The following CACNA1E variants were observed in gnomAD, a reference collection of about 807,000 sequenced individuals.
CACNA1E encodes voltage-dependent R-type calcium channel subunit alpha-1E.
A neutral mutation model predicts 259.2 loss-of-function variants in CACNA1E; 40 were observed. That is an observed-to-expected ratio of 0.15 (90% CI 0.12 to 0.20). CACNA1E has a LOEUF of 0.20. CACNA1E is among the 10% of genes least tolerant of loss of function. The pLI, the probability that CACNA1E is intolerant of heterozygous loss-of-function variation, is 1.00. For missense variants in CACNA1E, 1,874 were observed against 3,040.1 expected (o/e 0.62, Z 9.02); for synonymous variants, 1,104 against 1,138.5 (o/e 0.97, Z 0.61).
intron 19 of CACNA1E, among the ~76,000 whole-genome samples, chr1:181,731,909 T>C (rs1655518148): frequency 6.6e-6 from 1 of 152,038 alleles, no homozygotes. Flanking sequence ...TTCAATGGTA[T>C]CTGACCATTT....
intron 3 of CACNA1E, among the ~76,000 whole-genome samples, chr1:181,563,795 C>G (rs1019322024): frequency 6.6e-6 from 1 of 152,170 alleles, no homozygotes; most frequent in Non-Finnish European, 1.5e-5. Flanking sequence ...AAGGATACCT[C>G]AGAGAATGGT....
chr1:181,398,905 A>G (rs906456010), intron 1 of CACNA1E, among the ~76,000 whole-genome samples: 1 of 152,204 alleles, frequency 6.6e-6, no homozygotes, highest in African/African-American at 2.4e-5. Context: ...GCAAAAGGCA[A>G]TGGAGATCCA....
intron 1 of CACNA1E, among the ~76,000 whole-genome samples, chr1:181,343,093 AG>A (rs1239534860): frequency 1.3e-5 from 2 of 151,882 alleles, no homozygotes; most frequent in Non-Finnish European, 2.9e-5. Context: ...GGTGGTGATG[AG>A]GGAGGCATCA....
intron 18 of CACNA1E, 21 bp from the exon 19 acceptor site, chr1:181,731,154 C>T: frequency 2.5e-6 from 4 of 1,609,634 alleles, no homozygotes; most frequent in Non-Finnish European, 3.4e-6. Flanking sequence ...TGAACTGAAC[C>T]TGTCCATTTT....
At chr1:181,345,727 G>A (rs1227295010) in intron 1 of CACNA1E, among the ~76,000 whole-genome samples, 2 of 152,178 alleles carry the variant, frequency 1.3e-5, no homozygotes, top group African/African-American at 2.4e-5. Context: ...CACAAACTGC[G>A]GCCCAGGAAG....
At chr1:181,686,348 G>A (rs1650572265) in intron 7 of CACNA1E, among the ~76,000 whole-genome samples, 3 of 137,360 alleles carry the variant, frequency 2.2e-5, no homozygotes. Flanking sequence ...GTGCAATGAT[G>A]CGATCTTGGC....
chr1:181,494,963 A>G (rs181368829), intron 1 of CACNA1E, among the ~76,000 whole-genome samples: 54 of 152,234 alleles, frequency 3.5e-4, no homozygotes, highest in African/African-American at 1.3e-3. Flanking sequence ...ACATTTCTGT[A>G]TTTTGTCTGT....
At chr1:181,710,372 G>A (rs1460629732) in intron 7 of CACNA1E, among the ~76,000 whole-genome samples, 1 of 152,206 alleles carries the variant, frequency 6.6e-6, no homozygotes, top group Admixed American at 6.5e-5. Flanking sequence ...CAGGACAGCA[G>A]AGGCAACACA....
At chr1:181,657,959 A>G (rs557640134) in intron 7 of CACNA1E, among the ~76,000 whole-genome samples, 1 of 152,222 alleles carries the variant, frequency 6.6e-6, no homozygotes. Context: ...TGCACCTTCC[A>G]TAACTCTGGC....
At chr1:181,438,570 C>G (rs926215720) in intron 2 of CACNA1E, among the ~76,000 whole-genome samples, 1 of 152,112 alleles carries the variant, frequency 6.6e-6, no homozygotes, top group African/African-American at 2.4e-5. Context: ...CAAAGACTGT[C>G]ATTCAGATGG....
At chr1:181,779,271 G>T (rs1660215696) in intron 38 of CACNA1E, among the ~76,000 whole-genome samples, 1 of 152,226 alleles carries the variant, frequency 6.6e-6, no homozygotes, top group African/African-American at 2.4e-5. Flanking sequence ...AGTTTGGCAA[G>T]GTAATGGTTC....
In CACNA1E at chr1:181,553,485, AC is replaced by A. The variant is rs1648402139; in HGVS notation, c.513-24278del. Among the ~76,000 whole-genome samples, 5 of 152,250 alleles carry A rather than the reference AC, an allele frequency of 3.3e-5. No homozygotes were observed. In the South Asian group the frequency reaches 1.0e-3, roughly 32 times the overall value. On this transcript the variant is annotated intron_variant, in intron 3 of 47. Transcript: ENST00000367573. ...TGGCTTCCTCTCTTCCTATGTGAAT[AC>A]CCTTTATTTCTTTCTCTTGCCTGAT...
At chr1:181,526,571 C>T (rs1667374893) in intron 3 of CACNA1E, among the ~76,000 whole-genome samples, 1 of 152,116 alleles carries the variant, frequency 6.6e-6, no homozygotes, top group Non-Finnish European at 1.5e-5. Context: ...ATTAAGAGAA[C>T]AATAGATTAT....
intron 1 of CACNA1E, among the ~76,000 whole-genome samples, chr1:181,386,402 G>A (rs1382681373): frequency 6.6e-6 from 1 of 152,202 alleles, no homozygotes; most frequent in Non-Finnish European, 1.5e-5. Flanking sequence ...CACATCACAT[G>A]TAAGGTCAGA....
At chr1:181,448,290 A>C (rs1660922219) in intron 2 of CACNA1E, among the ~76,000 whole-genome samples, 1 of 152,226 alleles carries the variant, frequency 6.6e-6, no homozygotes, top group Non-Finnish European at 1.5e-5. Flanking sequence ...CTAGATCTGC[A>C]CATGCATCCC....
At chr1:181,576,206 G>C (rs1049779746) in intron 3 of CACNA1E, among the ~76,000 whole-genome samples, 1 of 152,188 alleles carries the variant, frequency 6.6e-6, no homozygotes, top group Non-Finnish European at 1.5e-5. Context: ...TTTTTAGGTA[G>C]TATGAACGTA....
chr1:181,790,840 GA>G (rs1336124897), intron 44 of CACNA1E, among the ~76,000 whole-genome samples: 1 of 152,198 alleles, frequency 6.6e-6, no homozygotes, highest in Non-Finnish European at 1.5e-5. Context: ...TCAAGTGTAA[GA>G]CCGGAAGTCA....
At chr1:181,706,129 T>C (rs1004092217) in intron 7 of CACNA1E, among the ~76,000 whole-genome samples, 2 of 152,146 alleles carry the variant, frequency 1.3e-5, no homozygotes, top group Non-Finnish European at 2.9e-5. Flanking sequence ...ATGAACACTC[T>C]TCTTCTATAG....
intron 43 of CACNA1E, among the ~76,000 whole-genome samples, chr1:181,786,919 T>C (rs989822918): frequency 4.6e-5 from 7 of 152,202 alleles, no homozygotes; most frequent in African/African-American, 7.2e-5. Flanking sequence ...CCAACATCTT[T>C]GGAAGAGAAG....
Sources: gnomAD v4.1 joint callset for allele counts (sites outside exome capture counted in the v4.1 genomes callset) on GRCh38, gnomAD v4.1.1 for gene constraint, MANE v1.5 for transcripts, NCBI Gene and HGNC (gene_info 2026-07-23, HGNC 2026-07-21) for gene names.